Variants in MACROD1 observed in about 807,000 individuals in gnomAD.
The protein encoded by MACROD1 is ADP-ribose glycohydrolase MACROD1.
Under a neutral mutation model 41.4 loss-of-function variants are expected in MACROD1, and 31 were observed. That is an observed-to-expected ratio of 0.75 (90% CI 0.56 to 1.01). The LOEUF (loss-of-function observed/expected upper bound fraction) is 1.01. Among genes scored for constraint, MACROD1 ranks in the 50% least tolerant of loss-of-function variants. The pLI, the probability that MACROD1 is intolerant of heterozygous loss-of-function variation, is 0.00. For missense variants in MACROD1, 473 were observed against 460.0 expected (o/e 1.03, Z -0.26); for synonymous variants, 252 against 203.4 (o/e 1.24, Z -2.03).
At chr11:64,085,256 G>C (rs2134504146) in intron 3 of MACROD1, among the ~76,000 whole-genome samples, 1 of 152,302 alleles carries the variant, frequency 6.6e-6, no homozygotes, top group African/African-American at 2.4e-5. Context: ...CTGTCCCTGG[G>C]CACCACGGAG....
intron 4 of MACROD1, among the ~76,000 whole-genome samples, chr11:64,003,328 A>T (rs912580355): frequency 6.6e-6 from 1 of 152,008 alleles, no homozygotes; most frequent in African/African-American, 2.4e-5. Context: ...AGTGATTCTT[A>T]TGCCTCAGCC....
chr11:64,069,336 G>A (rs1176328238), intron 3 of MACROD1, among the ~76,000 whole-genome samples: 1 of 152,222 alleles, frequency 6.6e-6, no homozygotes, highest in Non-Finnish European at 1.5e-5. Context: ...GAGCCTGGGG[G>A]GCACAGGAGG....
chr11:64,103,541 C>G (rs1172189275), intron 3 of MACROD1: 5 of 151,250 alleles, frequency 3.3e-5, no homozygotes, highest in African/African-American at 1.2e-4. Context: ...CATGCAAGAA[C>G]ACTCTCTGCA....
At chr11:64,148,634 T>C (rs1304729052) in intron 3 of MACROD1, 22 of 715,796 alleles carry the variant, frequency 3.1e-5, no homozygotes, top group Non-Finnish European at 3.3e-5. Flanking sequence ...TCAAGTCAAA[T>C]AGAATTTAAT....
At chr11:64,004,959 CA>C (rs1333210298) in intron 4 of MACROD1, among the ~76,000 whole-genome samples, 1 of 152,046 alleles carries the variant, frequency 6.6e-6, no homozygotes, top group Non-Finnish European at 1.5e-5. Flanking sequence ...GACTGAGGGC[CA>C]GGGGGGTTAA....
intron 3 of MACROD1, among the ~76,000 whole-genome samples, chr11:64,049,025 C>T (rs1943640336): frequency 6.6e-6 from 1 of 152,214 alleles, no homozygotes; most frequent in Non-Finnish European, 1.5e-5. Flanking sequence ...GCCTCCTGCC[C>T]TGAGTGTGGG....
intron 3 of MACROD1, among the ~76,000 whole-genome samples, chr11:64,132,937 G>A (rs1008000084): frequency 6.6e-6 from 1 of 152,214 alleles, no homozygotes; most frequent in African/African-American, 2.4e-5. Context: ...TGGTGACGGA[G>A]TTAGCTCTGG....
At chr11:64,131,563 T>C (rs1945266339) in intron 3 of MACROD1, among the ~76,000 whole-genome samples, 3 of 152,162 alleles carry the variant, frequency 2.0e-5, no homozygotes, top group Admixed American at 2.0e-4. Flanking sequence ...CCAACTTCAA[T>C]GATCCACCCG....
chr11:64,121,077 C>A (rs564923137), intron 3 of MACROD1, among the ~76,000 whole-genome samples: 1 of 152,096 alleles, frequency 6.6e-6, no homozygotes, highest in South Asian at 2.1e-4. Flanking sequence ...GGCAGGAGTG[C>A]GGGAGACTTA....
Position 64,128,776 on chromosome 11 carries a change from T to C in MACROD1, c.517+22463A>G, listed in dbSNP as rs987255310. On this transcript the variant is annotated intron_variant, in intron 3 of 10. Coordinates refer to ENST00000255681, the MANE Select transcript of MACROD1 (RefSeq NM_014067.4). ...CTTTCTCACCTGCACAGGTGACCCC[T>C]TCCCACGCCTCGCTTGGCTGAGCCC... 3.9e-5 allele frequency among the ~76,000 whole-genome samples: 6 copies of C among 152,150 alleles called. No individual in the cohort carries two copies. In the South Asian group the frequency reaches 1.0e-3, roughly 26 times the overall value.
At chr11:64,161,788 A>T (rs1186756481) in intron 1 of MACROD1, among the ~76,000 whole-genome samples, 1 of 149,472 alleles carries the variant, frequency 6.7e-6, no homozygotes, top group East Asian at 2.0e-4. Flanking sequence ...GTTTTAAAAC[A>T]TTAGCAGCCC....
At chr11:64,149,236 T>C (rs921697363) in intron 3 of MACROD1, among the ~76,000 whole-genome samples, 2 of 152,148 alleles carry the variant, frequency 1.3e-5, no homozygotes, top group African/African-American at 2.4e-5. Context: ...CGCCAGGTGC[T>C]GAGTGACCGT....
chr11:64,025,229 A>G (rs1788485027), intron 3 of MACROD1, among the ~76,000 whole-genome samples: 1 of 152,180 alleles, frequency 6.6e-6, no homozygotes, highest in South Asian at 2.1e-4. Flanking sequence ...AAGTACTCAG[A>G]TTACAGGTAG....
chr11:64,150,870 G>A (rs1429323795), intron 3 of MACROD1, among the ~76,000 whole-genome samples: 4 of 152,228 alleles, frequency 2.6e-5, no homozygotes, highest in Non-Finnish European at 5.9e-5. Context: ...TGAAGCGGGG[G>A]CAGGCCAGGC....
intron 3 of MACROD1, among the ~76,000 whole-genome samples, chr11:64,040,400 G>A (rs897412621): frequency 6.6e-6 from 1 of 152,192 alleles, no homozygotes; most frequent in Non-Finnish European, 1.5e-5. Context: ...CCCCCGGCAG[G>A]AGGGCAGAGG....
At chr11:64,163,169 G>C (rs556995669) in intron 1 of MACROD1, among the ~76,000 whole-genome samples, 16 of 151,560 alleles carry the variant, frequency 1.1e-4, no homozygotes, top group African/African-American at 3.9e-4. Context: ...GCCGGGTATA[G>C]TGGTGGGTGC....
At chr11:64,126,747 A>G (rs2845886) in intron 3 of MACROD1, 145,598 of 151,966 alleles carry the variant, frequency 0.96, 70,023 homozygotes, top group Middle Eastern at 1. Flanking sequence ...CCCGGGTCAG[A>G]GGGAGCAGGC....
intron 1 of MACROD1, among the ~76,000 whole-genome samples, chr11:64,159,150 T>A (rs1439109887): frequency 1.3e-5 from 2 of 151,678 alleles, no homozygotes; most frequent in Non-Finnish European, 2.9e-5. Context: ...TGAAACCCTG[T>A]CTCTACTAAA....
In MACROD1 at chr11:64,031,810, G is replaced by A. The variant is rs1407410547; in HGVS notation, c.518-16529C>T. Among the ~76,000 whole-genome samples, 4 of 152,298 alleles carry A rather than the reference G, an allele frequency of 2.6e-5. No homozygotes were observed. The East Asian group carries it at 5.8e-4, about 22-fold the overall frequency. On this transcript the variant is annotated intron_variant, in intron 3 of 10. Transcript: ENST00000255681. ...GAGCTTTCTGATGTGTGCTGGCCTG[G>A]TGTCCCTGAAGTGGCATGCACAGCC... is the stretch of plus-strand genomic sequence containing the variant.
Sources: gnomAD v4.1 joint callset for allele counts (sites outside exome capture counted in the v4.1 genomes callset) on GRCh38, gnomAD v4.1.1 for gene constraint, MANE v1.5 for transcripts, NCBI Gene and HGNC (gene_info 2026-07-23, HGNC 2026-07-21) for gene names.